PDS5B: variants seen among roughly 807,000 people sequenced by gnomAD.
PDS5B encodes PDS5 cohesin associated factor B.
In PDS5B, 51 loss-of-function variants were observed where a neutral mutation model predicts 184.1. The observed-to-expected ratio is 0.28, with a 90% CI of 0.22 to 0.35. The LOEUF (loss-of-function observed/expected upper bound fraction) is 0.35. PDS5B is among the 10% of genes least tolerant of loss of function. The pLI, the probability that PDS5B is intolerant of heterozygous loss-of-function variation, is 1.00. For synonymous variants in PDS5B, 566 were observed against 569.2 expected (o/e 0.99, Z 0.08); for missense variants, 1,180 against 1,723.3 (o/e 0.68, Z 5.58).
At chr13:32,611,093 T>C (rs2058134700) in intron 1 of PDS5B, among the ~76,000 whole-genome samples, 1 of 152,146 alleles carries the variant, frequency 6.6e-6, no homozygotes, top group Non-Finnish European at 1.5e-5. Context: ...AATAGGGGCA[T>C]TTCAGTTTGG....
In PDS5B at chr13:32,760,483, A is replaced by G. The variant is rs1954346472; in HGVS notation, c.3373-92A>G. ...CACATTTTTCATGATTTGTAAGTAA[A>G]TACTTTGAGAGAGATGTTATTTATG... On this transcript the variant is annotated intron_variant, in intron 29 of 34. Transcript: ENST00000315596. The G allele has an allele frequency of 1.1e-5, 13 of 1,191,578 alleles. No homozygotes were observed. The East Asian group carries it at 2.1e-4, about 20-fold the overall frequency. The allele number at this position is 1,191,578 out of a possible 1,614,324, so 73.8% of individuals were successfully genotyped here.
intron 26 of PDS5B, 94 bp downstream of exon 26, chr13:32,756,050 A>G: frequency 1.5e-6 from 1 of 665,414 alleles, no homozygotes; most frequent in Non-Finnish European, 2.7e-6. Context: ...TAGTTTATTG[A>G]TGTATTTCAT....
intron 10 of PDS5B, among the ~76,000 whole-genome samples, chr13:32,681,961 A>G (rs1951260150): frequency 1.3e-5 from 2 of 152,222 alleles, no homozygotes; most frequent in South Asian, 4.1e-4. Flanking sequence ...GTCATTTATA[A>G]TAAAGTAGTA....
chr13:32,761,648 A>G (rs1954402026), intron 30 of PDS5B, among the ~76,000 whole-genome samples: 1 of 151,960 alleles, frequency 6.6e-6, no homozygotes, highest in Admixed American at 6.6e-5. Flanking sequence ...ATCCTTTTTT[A>G]TGGCTGCGTA....
chr13:32,769,336 TTTG>T (rs929411029), intron 31 of PDS5B, among the ~76,000 whole-genome samples: 3 of 152,212 alleles, frequency 2.0e-5, no homozygotes, highest in Admixed American at 6.5e-5. Flanking sequence ...TTCGATAGTT[TTTG>T]TTGTTTTCAG....
intron 1 of PDS5B, among the ~76,000 whole-genome samples, chr13:32,627,482 C>CT (rs1233708026): frequency 1.3e-5 from 2 of 151,780 alleles, no homozygotes; most frequent in East Asian, 1.9e-4. Context: ...TTTTTTTACT[C>CT]TTTTTTAGGA....
At chr13:32,764,642 TTAGTAA>T in intron 31 of PDS5B, 48 bp downstream of exon 31, 1 of 1,013,928 alleles carries the variant, frequency 9.9e-7, no homozygotes, top group South Asian at 1.7e-5. Flanking sequence ...ATAATTTTAC[TTAGTAA>T]TGTTTACACT....
intron 1 of PDS5B, among the ~76,000 whole-genome samples, chr13:32,589,712 G>T (rs1363760782): frequency 6.6e-6 from 1 of 152,098 alleles, no homozygotes; most frequent in Non-Finnish European, 1.5e-5. Flanking sequence ...CTTGGTTTTC[G>T]TATTCCTGTT....
chr13:32,711,523 A>G (rs552506374), intron 19 of PDS5B, among the ~76,000 whole-genome samples: 1 of 151,636 alleles, frequency 6.6e-6, no homozygotes, highest in South Asian at 2.1e-4. Flanking sequence ...ACACCTGGCT[A>G]ATTTTTGTAT....
At chr13:32,622,942 A>G (rs1192476147) in intron 1 of PDS5B, among the ~76,000 whole-genome samples, 1 of 152,184 alleles carries the variant, frequency 6.6e-6, no homozygotes, top group Admixed American at 6.5e-5. Flanking sequence ...AGTCAGGGGA[A>G]TGGGAGATAG....
At chr13:32,665,373 C>T (rs896778443) in intron 6 of PDS5B, among the ~76,000 whole-genome samples, 2 of 151,682 alleles carry the variant, frequency 1.3e-5, no homozygotes, top group South Asian at 2.1e-4. Context: ...GGGCAGATCA[C>T]GAGGTCAGGA....
chr13:32,652,220 G>T, intron 3 of PDS5B: 4 of 417,118 alleles, frequency 9.6e-6, no homozygotes, highest in South Asian at 4.7e-5. Flanking sequence ...AATACAGTGT[G>T]TATTTTTTTT....
rs531750824 is a variant in PDS5B, at chr13:32,767,749, G to A, written c.3625-2372G>A. ...GAGAGAGAAGACAGGCCATGTTCTT[G>A]TATAGGAGAAAGGAATAAAAAAGGA... is the stretch of plus-strand genomic sequence containing the variant. On this transcript the variant is annotated intron_variant, in intron 31 of 34. Transcript: ENST00000315596. 7.2e-5 allele frequency among the ~76,000 whole-genome samples: 11 copies of A among 152,200 alleles called. No homozygotes were observed. The East Asian group carries it at 1.5e-3, about 21-fold the overall frequency.
chr13:32,649,129 A>T (rs1347998477), intron 2 of PDS5B: 2 of 374,150 alleles, frequency 5.3e-6, no homozygotes, highest in Non-Finnish European at 9.7e-6. Flanking sequence ...ATAAAGAACA[A>T]GTCTACAATA....
chr13:32,679,755 T>C (rs1256514627), intron 10 of PDS5B, among the ~76,000 whole-genome samples: 1 of 152,220 alleles, frequency 6.6e-6, no homozygotes, highest in Admixed American at 6.5e-5. Flanking sequence ...AAATTTGCAG[T>C]GCTTAGACAG....
intron 19 of PDS5B, among the ~76,000 whole-genome samples, chr13:32,710,348 G>A (rs1218923815): frequency 2.0e-5 from 3 of 151,980 alleles, no homozygotes; most frequent in Non-Finnish European, 4.4e-5. Flanking sequence ...GATAGTCCCT[G>A]GTATATTATG....
At chr13:32,636,808 T>A (rs2058568900) in intron 1 of PDS5B, among the ~76,000 whole-genome samples, 1 of 152,232 alleles carries the variant, frequency 6.6e-6, no homozygotes, top group South Asian at 2.1e-4. Context: ...GATAAATTCT[T>A]TGAAGCAAAA....
intron 25 of PDS5B, 55 bp downstream of exon 25, chr13:32,753,591 T>C: frequency 2.6e-6 from 3 of 1,166,318 alleles, no homozygotes; most frequent in Non-Finnish European, 3.7e-6. Flanking sequence ...GTTTCAGTTT[T>C]ATAGAATATA....
chr13:32,749,732 G>T (rs1201208871), intron 24 of PDS5B, among the ~76,000 whole-genome samples: 2 of 151,950 alleles, frequency 1.3e-5, no homozygotes, highest in Non-Finnish European at 1.5e-5. Flanking sequence ...GAGATACTTT[G>T]TACTAGAAAA....
Sources: gnomAD v4.1 joint callset for allele counts (sites outside exome capture counted in the v4.1 genomes callset) on GRCh38, gnomAD v4.1.1 for gene constraint, MANE v1.5 for transcripts, NCBI Gene and HGNC (gene_info 2026-07-23, HGNC 2026-07-21) for gene names.